The following DGKB variants were observed in gnomAD, a reference collection of about 807,000 sequenced individuals.
DGKB encodes 90 kDa diacylglycerol kinase.
A neutral mutation model predicts 114.3 loss-of-function variants in DGKB; 67 were observed. That is an observed-to-expected ratio of 0.59 (90% CI 0.48 to 0.72). DGKB has a LOEUF of 0.72. DGKB is among the 30% of genes least tolerant of loss of function. The pLI is 0.00. For missense variants in DGKB, 907 were observed against 975.2 expected (o/e 0.93, Z 0.93); for synonymous variants, 398 against 323.1 (o/e 1.23, Z -2.49).
rs138272580 is a variant in DGKB, at chr7:14,582,319, C to T, written c.1519+733G>A. ...TAGATCTGAAAAAGCAAATAATTTT[C>T]CTGAATTTATACTTTTTCTTGTGCT... is the stretch of plus-strand genomic sequence containing the variant. On this transcript the variant is annotated intron_variant, in intron 18 of 25. Coordinates refer to ENST00000402815, the MANE Select transcript of DGKB (RefSeq NM_001350709.2). Among the ~76,000 whole-genome samples the T allele has an allele frequency of 2.2e-3, 331 of 152,200 alleles. 3 individuals are homozygous for T. Among genetic ancestry groups the T allele is most frequent in the Middle Eastern group, 0.01 (3 of 294 alleles).
At chr7:14,241,015 T>C (rs1793559813) in intron 23 of DGKB, among the ~76,000 whole-genome samples, 1 of 152,076 alleles carries the variant, frequency 6.6e-6, no homozygotes, top group African/African-American at 2.4e-5. Context: ...CTCTCAGTCA[T>C]AAATGCCAGC....
chr7:14,577,393 G>A (rs1384322411), intron 19 of DGKB, among the ~76,000 whole-genome samples: 1 of 152,112 alleles, frequency 6.6e-6, no homozygotes, highest in Non-Finnish European at 1.5e-5. Context: ...CAAGGCGGGT[G>A]GATCACGAGG....
intron 20 of DGKB, among the ~76,000 whole-genome samples, chr7:14,563,174 T>C (rs569526045): frequency 6.6e-6 from 1 of 152,206 alleles, no homozygotes; most frequent in Non-Finnish European, 1.5e-5. Context: ...TCTGCCATGA[T>C]TGGGAGGCCT....
intron 23 of DGKB, among the ~76,000 whole-genome samples, chr7:14,272,150 T>A (rs1798355151): frequency 1.3e-5 from 2 of 152,184 alleles, no homozygotes; most frequent in Admixed American, 6.5e-5. Context: ...GCTAACCAAC[T>A]GTTATTTATA....
Position 14,285,885 on chromosome 7 carries a change from C to G in DGKB, c.2122+52630G>C, listed in dbSNP as rs1800792910. ...GGAGTAGGTTCAAATACTTAAATAT[C>G]ACATCTTCTTTGTGCTTAAAAAAAT... On this transcript the variant is annotated intron_variant, in intron 23 of 25. Transcript: ENST00000402815. 2.0e-5 allele frequency among the ~76,000 whole-genome samples: 3 copies of G among 152,032 alleles called. No individual in the cohort carries two copies. The South Asian group carries it at 6.2e-4, about 32-fold the overall frequency.
At chr7:14,315,991 G>A (rs571992970) in intron 23 of DGKB, among the ~76,000 whole-genome samples, 197 of 151,526 alleles carry the variant, frequency 1.3e-3, no homozygotes, top group Non-Finnish European at 2.2e-3. Context: ...ACTCAAAACC[G>A]CTCAACTACA....
chr7:14,645,413 G>A (rs550237003), intron 13 of DGKB, among the ~76,000 whole-genome samples: 5 of 152,046 alleles, frequency 3.3e-5, no homozygotes, highest in African/African-American at 7.2e-5. Context: ...TCTGCCGCTC[G>A]CCGAACAACA....
At chr7:14,913,344 C>G (rs1784087462) in intron 1 of DGKB, among the ~76,000 whole-genome samples, 2 of 151,492 alleles carry the variant, frequency 1.3e-5, no homozygotes, top group South Asian at 4.2e-4. Context: ...ACCATTATGG[C>G]ACTTTTTACA....
chr7:14,624,365 G>T (rs1364492435), intron 14 of DGKB, among the ~76,000 whole-genome samples: 2 of 152,048 alleles, frequency 1.3e-5, no homozygotes, highest in African/African-American at 2.4e-5. Flanking sequence ...AACAATTGTT[G>T]TTTGGCATTC....
intron 21 of DGKB, among the ~76,000 whole-genome samples, chr7:14,371,905 G>A (rs1817715228): frequency 6.6e-6 from 1 of 152,170 alleles, no homozygotes; most frequent in Non-Finnish European, 1.5e-5. Context: ...CTCCAGAGCA[G>A]GCATGCCAAT....
At position 14,650,744 on chromosome 7, in the gene DGKB, C is replaced by A. The variant is rs796851086; in HGVS notation, c.1135-20476G>T. Among the ~76,000 whole-genome samples the A allele has an allele frequency of 8.3e-3, 1,076 of 129,984 alleles. 11 individuals are homozygous for A. Among genetic ancestry groups the A allele is most frequent in the Non-Finnish European group, 0.014 (838 of 61,504 alleles). 85.3% of individuals were successfully genotyped at this position (129,984 alleles called of 152,430 possible). A position where few individuals can be genotyped will look rare whatever the true frequency, so the allele number is the denominator to read the frequency against. Reference sequence around the variant, plus strand: ...GAAAGGATCAACAAAATTGATAGACCGCTAGCAAGACTAATAAAGAAAAAA... The same window carrying A: ...GAAAGGATCAACAAAATTGATAGACAGCTAGCAAGACTAATAAAGAAAAAA... On this transcript the variant is annotated intron_variant, in intron 13 of 25. Transcript: ENST00000402815.
At chr7:14,406,458 T>C (rs950946848) in intron 21 of DGKB, among the ~76,000 whole-genome samples, 2 of 151,992 alleles carry the variant, frequency 1.3e-5, no homozygotes, top group South Asian at 2.1e-4. Context: ...TATAAAGAAA[T>C]GAAGATATTA....
At position 14,661,189 on chromosome 7, in the gene DGKB, C is replaced by A. The variant is rs1012638652; in HGVS notation, c.1134+11740G>T. On this transcript the variant is annotated intron_variant, in intron 13 of 25. Coordinates refer to ENST00000402815, the MANE Select transcript of DGKB (RefSeq NM_001350709.2). ...ACACCAAAAGCAATGGCAACAAAAG[C>A]CAAAATTGACAAATGGGATCTAATT... Among the ~76,000 whole-genome samples the A allele has an allele frequency of 8.5e-4, 128 of 151,460 alleles. 1 individual carries two copies. The South Asian group carries it at 0.026, about 30-fold the overall frequency.
intron 20 of DGKB, among the ~76,000 whole-genome samples, chr7:14,546,252 A>G (rs1259408005): frequency 6.6e-6 from 1 of 152,052 alleles, no homozygotes; most frequent in Non-Finnish European, 1.5e-5. Context: ...TTTTTTCTCA[A>G]ATGACTGCCC....
At chr7:14,491,819 G>A (rs1784638793) in intron 20 of DGKB, among the ~76,000 whole-genome samples, 1 of 151,796 alleles carries the variant, frequency 6.6e-6, no homozygotes, top group Non-Finnish European at 1.5e-5. Flanking sequence ...GTCCTTTATT[G>A]TAATCATAGT....
rs1451153743 is a variant in DGKB at position 14,567,027 on chromosome 7, T to C, written c.1770+7185A>G. ...TTTTTGCTTTTTAAAAATATCTCCT[T>C]GCATCATTAAACTCCAAGTTCTAAT... is the stretch of plus-strand genomic sequence containing the variant. On this transcript the variant is annotated intron_variant, in intron 20 of 25. Transcript: ENST00000402815. Among the ~76,000 whole-genome samples, 4 of 140,226 alleles carry C rather than the reference T, an allele frequency of 2.9e-5. No individual in the cohort carries two copies. In the East Asian group the frequency reaches 8.1e-4, roughly 28 times the overall value. 92.0% of individuals were successfully genotyped at this position (140,226 alleles called of 152,430 possible).
At chr7:14,391,472 A>G (rs1300884149) in intron 21 of DGKB, among the ~76,000 whole-genome samples, 1 of 151,652 alleles carries the variant, frequency 6.6e-6, no homozygotes, top group African/African-American at 2.4e-5. Flanking sequence ...GCTTGAGCCC[A>G]GGCAAGACCA....
Position 14,148,318 on chromosome 7 carries a change from CTT to C in DGKB, c.*811_*812del, listed in dbSNP as rs1214193448. 1.3e-5 allele frequency: 2 copies of C among 152,528 alleles called. No homozygotes were observed. The highest frequency in any genetic ancestry group is 4.8e-5 in the African/African-American group (2 of 41,432). 9.4% of individuals were successfully genotyped at this position (152,528 alleles called of 1,614,324 possible). ...TTCTCTCAAGCATTGTTTTCTGAAT[CTT>C]TGGTGGGAAACACATTGATTAGGCA... On this transcript the variant is annotated 3_prime_UTR_variant, in exon 26 of 26. Coordinates refer to ENST00000402815, the MANE Select transcript of DGKB (RefSeq NM_001350709.2).
intron 1 of DGKB, among the ~76,000 whole-genome samples, chr7:14,954,565 T>C (rs1390886318): frequency 1.3e-5 from 2 of 151,878 alleles, no homozygotes; most frequent in African/African-American, 2.4e-5. Context: ...GTTAGAAGAT[T>C]AGGAGGCTAT....
Sources: gnomAD v4.1 joint callset for allele counts (sites outside exome capture counted in the v4.1 genomes callset) on GRCh38, gnomAD v4.1.1 for gene constraint, MANE v1.5 for transcripts, NCBI Gene and HGNC (gene_info 2026-07-23, HGNC 2026-07-21) for gene names.